Variants in IKZF3 observed in about 807,000 individuals in gnomAD.
IKZF3 encodes the protein IKAROS family zinc finger 3.
Under a neutral mutation model 49.0 loss-of-function variants are expected in IKZF3, and 10 were observed. The observed-to-expected ratio is 0.20, with a 90% CI of 0.13 to 0.35. IKZF3 has a LOEUF of 0.35. IKZF3 is among the 10% of genes least tolerant of loss of function. The probability of loss-of-function intolerance (pLI) is 1.00; values close to 1 mark genes in which losing one functional copy is unlikely to be tolerated. For missense variants in IKZF3, 498 were observed against 664.8 expected, an observed-to-expected ratio of 0.75 and a Z score of 2.76; for synonymous variants, 209 against 228.2, an observed-to-expected ratio of 0.92 and a Z score of 0.76.
chr17:39,842,107 A>G (rs1467749942), intron 1 of IKZF3, among the ~76,000 whole-genome samples: 1 of 151,984 alleles, frequency 6.6e-6, no homozygotes, highest in African/African-American at 2.4e-5. Context: ...ATACATAAAT[A>G]CAGTCCCTTT....
intron 7 of IKZF3, among the ~76,000 whole-genome samples, chr17:39,773,445 C>T (rs556562605): frequency 6.6e-6 from 1 of 152,258 alleles, no homozygotes; most frequent in Non-Finnish European, 1.5e-5. Flanking sequence ...AAACTGCTTC[C>T]TGTTGCTGTT....
chr17:39,839,152 CT>C lies in IKZF3; in HGVS notation c.8-7002del, dbSNP rs199888566. ...AGTCCTTTTTGTTTTAATTTTTCTT[CT>C]TTTTTTTTTTCGTATTTTTTGAAAT... On this transcript the variant is annotated intron_variant, in intron 1 of 7. Transcript: ENST00000346872. Among the ~76,000 whole-genome samples, 797 of 145,886 alleles carry C rather than the reference CT, an allele frequency of 5.5e-3. 4 individuals carry two copies. The highest frequency in any genetic ancestry group is 0.016 in the African/African-American group (651 of 40,040).
intron 1 of IKZF3, among the ~76,000 whole-genome samples, chr17:39,856,133 C>G (rs190195477): frequency 6.6e-6 from 1 of 151,136 alleles, no homozygotes; most frequent in African/African-American, 2.4e-5. Context: ...TATATAATAA[C>G]TCTTTTAAAT....
At chr17:39,856,049 T>TAC (rs1404059818) in intron 1 of IKZF3, among the ~76,000 whole-genome samples, 2 of 134,482 alleles carry the variant, frequency 1.5e-5, no homozygotes, top group East Asian at 3.9e-4. Flanking sequence ...ATGTATATTG[T>TAC]ATATGTACAA....
chr17:39,852,390 A>AG (rs1403234785), intron 1 of IKZF3, among the ~76,000 whole-genome samples: 1 of 152,122 alleles, frequency 6.6e-6, no homozygotes, highest in Non-Finnish European at 1.5e-5. Flanking sequence ...CAAGGTCACT[A>AG]GCAAGTGTTA....
At position 39,765,988 on chromosome 17, in the gene IKZF3, C is replaced by T. The variant is rs763842746; in HGVS notation, c.1332G>A (p.Lys444=). The T allele has an allele frequency of 7.4e-6, 12 of 1,614,084 alleles. 1 individual carries two copies. In the African/African-American group the frequency reaches 1.6e-4, roughly 22 times the overall value. The change falls in exon 8 of 8, where the codon AAG becomes AAA. Residue 444 remains lysine (K), a synonymous_variant. Transcript: ENST00000346872. ...CPRDSVKVIN[K]EGEVMDVYRC... is the part of the protein sequence containing the mutation. Reference sequence around the variant, plus strand: ...GATACACATCCATCACCTCCCCTTCCTTGTTGATCACTTTGACGGAGTCTC... The same window carrying T: ...GATACACATCCATCACCTCCCCTTCTTTGTTGATCACTTTGACGGAGTCTC...
Position 39,764,817 on chromosome 17 carries a change from G to C in IKZF3, c.*973C>G, listed in dbSNP as rs1211885072. The C allele has an allele frequency of 1.3e-5, 2 of 152,226 alleles. No homozygotes were observed. The highest frequency in any genetic ancestry group is 2.9e-5 in the Non-Finnish European group (2 of 68,050). The allele number at this position is 152,226 out of a possible 1,614,324, so 9.4% of individuals were successfully genotyped here. ...ATCTCCAATTCCTCTCCTGTGGGGA[G>C]GGGGAGGCTGAGCCATACTTTTTGG... On this transcript the variant is annotated 3_prime_UTR_variant, in exon 8 of 8. Transcript: ENST00000346872.
intron 1 of IKZF3, among the ~76,000 whole-genome samples, chr17:39,833,670 A>C (rs1372217968): frequency 6.6e-6 from 1 of 152,110 alleles, no homozygotes; most frequent in Non-Finnish European, 1.5e-5. Flanking sequence ...TCTCCTATTG[A>C]TGGACACCTA....
chr17:39,853,532 T>A (rs1054874962), intron 1 of IKZF3, among the ~76,000 whole-genome samples: 1 of 152,184 alleles, frequency 6.6e-6, no homozygotes, highest in Admixed American at 6.5e-5. Flanking sequence ...GTCAAAATTT[T>A]TTTTATTTTA....
In IKZF3 at chr17:39,786,451, C is replaced by T. The variant is rs1409815636; in HGVS notation, c.709+1807G>A. ...TTACAGTGAGAGCTTTGCCTATTGT[C>T]TGAAATACAGAACTGCAAGTAGAGA... On this transcript the variant is annotated intron_variant, in intron 6 of 7. Coordinates refer to ENST00000346872, the MANE Select transcript of IKZF3 (RefSeq NM_012481.5). Among the ~76,000 whole-genome samples, 6 of 152,220 alleles carry T rather than the reference C, an allele frequency of 3.9e-5. No individual in the cohort carries two copies. The East Asian group carries it at 1.2e-3, about 29-fold the overall frequency.
chr17:39,765,939 A>G lies in IKZF3; in HGVS notation c.1381T>C (p.Phe461Leu). 1 of 1,614,252 alleles carries G rather than the reference A, an allele frequency of 6.2e-7. No individual in the cohort carries two copies. The part of the protein sequence containing the change: ...VYRCDHCRVL[F>L]LDYVMFTIHM... ...ATCGTGAACATCACATAGTCCAGGA[A>G]GAGGACGCGGCAGTGGTCACACCGA... Residue 461 changes from phenylalanine to leucine, a missense_variant, in exon 8 of 8, where the codon TTC (phenylalanine) becomes CTC (leucine). Coordinates refer to ENST00000346872, the MANE Select transcript of IKZF3 (RefSeq NM_012481.5).
intron 1 of IKZF3, 26 bp from the exon 2 acceptor site, chr17:39,832,177 T>C: frequency 2.6e-6 from 4 of 1,556,438 alleles, no homozygotes; most frequent in Non-Finnish European, 3.5e-6. Flanking sequence ...TTATAAATAT[T>C]AGCTACTTAG....
At chr17:39,797,555 T>C (rs2061201216) in intron 3 of IKZF3, among the ~76,000 whole-genome samples, 1 of 151,926 alleles carries the variant, frequency 6.6e-6, no homozygotes. Flanking sequence ...CCCGAGTAGC[T>C]GGGACTATAG....
chr17:39,798,533 T>C (rs1382277989), intron 3 of IKZF3, among the ~76,000 whole-genome samples: 3 of 143,768 alleles, frequency 2.1e-5, no homozygotes, highest in Admixed American at 7.2e-5. Context: ...TGAGACGGAG[T>C]CTTTCTCTGT....
At chr17:39,823,761 C>A (rs1052244100) in intron 3 of IKZF3, among the ~76,000 whole-genome samples, 7 of 152,200 alleles carry the variant, frequency 4.6e-5, no homozygotes, top group African/African-American at 1.7e-4. Context: ...GATGTTGAGC[C>A]TATGGGTGCA....
At chr17:39,848,378 C>A (rs2062696012) in intron 1 of IKZF3, among the ~76,000 whole-genome samples, 1 of 152,156 alleles carries the variant, frequency 6.6e-6, no homozygotes, top group Admixed American at 6.5e-5. Context: ...AACATACATT[C>A]CAATTTTACC....
At chr17:39,777,953 T>C in intron 6 of IKZF3, 186 bp from the exon 7 acceptor site, 1 of 1,292,858 alleles carries the variant, frequency 7.7e-7, no homozygotes, top group Non-Finnish European at 9.8e-7. Flanking sequence ...CCAGGGCACA[T>C]TCAAATCTTG....
intron 7 of IKZF3, among the ~76,000 whole-genome samples, chr17:39,773,085 A>T (rs910966772): frequency 1.3e-5 from 2 of 152,078 alleles, no homozygotes; most frequent in Non-Finnish European, 2.9e-5. Context: ...CAAAGTGGGG[A>T]ATTACAGGTG....
In IKZF3 at chr17:39,858,378, A is replaced by G. The variant is rs2063126544; in HGVS notation, c.7+5742T>C. Among the ~76,000 whole-genome samples the G allele has an allele frequency of 2.6e-5, 4 of 152,338 alleles. No individual in the cohort carries two copies. The South Asian group carries it at 8.3e-4, about 32-fold the overall frequency. On this transcript the variant is annotated intron_variant, in intron 1 of 7. Transcript: ENST00000346872. ...CAAAAATTTCATCTCTAAGAACACTACTAAGTACAATTTGTGACATATTGC... is the reference window on the plus strand; with the variant it reads ...CAAAAATTTCATCTCTAAGAACACTGCTAAGTACAATTTGTGACATATTGC...
Sources: allele counts gnomAD v4.1 joint callset (sites outside exome capture counted in the v4.1 genomes callset), GRCh38; gene constraint gnomAD v4.1.1; transcripts MANE v1.5; gene names NCBI Gene and HGNC (gene_info 2026-07-23, HGNC 2026-07-21).